The following BMPR1B variants were observed in gnomAD, a reference collection of about 807,000 sequenced individuals.
BMPR1B encodes bone morphogenetic protein receptor type-1B.
In BMPR1B, 12 loss-of-function variants were observed where a neutral mutation model predicts 59.1. The observed-to-expected ratio is 0.20, with a 90% CI of 0.13 to 0.33. The LOEUF (loss-of-function observed/expected upper bound fraction) is 0.33, where lower values mean the gene tolerates loss of function less well. Ranked by LOEUF, BMPR1B falls within the 10% of genes least tolerant of loss-of-function variation. The pLI is 1.00. For missense variants in BMPR1B, 550 were observed against 610.9 expected, an observed-to-expected ratio of 0.90 and a Z score of 1.05; for synonymous variants, 237 against 207.3, an observed-to-expected ratio of 1.14 and a Z score of -1.23.
At chr4:95,110,177 A>G (rs1336342292) in intron 4 of BMPR1B, among the ~76,000 whole-genome samples, 1 of 151,900 alleles carries the variant, frequency 6.6e-6, no homozygotes, top group Non-Finnish European at 1.5e-5. Flanking sequence ...GGCTTGCTAT[A>G]TGGAATGGAT....
intron 3 of BMPR1B, among the ~76,000 whole-genome samples, chr4:95,078,108 A>C (rs967271286): frequency 2.0e-5 from 3 of 152,204 alleles, no homozygotes; most frequent in African/African-American, 7.2e-5. Context: ...AACCATGACT[A>C]TGGAATTTCC....
intron 3 of BMPR1B, among the ~76,000 whole-genome samples, chr4:95,047,454 G>T (rs1272950724): frequency 6.6e-6 from 1 of 152,168 alleles, no homozygotes; most frequent in East Asian, 1.9e-4. Context: ...ATAGACTGGG[G>T]TGTTGAGGAG....
At chr4:94,938,751 A>G (rs1437805566) in intron 2 of BMPR1B, among the ~76,000 whole-genome samples, 1 of 152,188 alleles carries the variant, frequency 6.6e-6, no homozygotes, top group Non-Finnish European at 1.5e-5. Context: ...ACAACCCTAT[A>G]TGGAAGAGAA....
Position 95,157,633 on chromosome 4 carries a change from T to G in BMPR1B, c.*2960T>G, listed in dbSNP as rs1735512935. The stretch of plus-strand genomic sequence containing the variant: ...GTATGTGTGTATATATATAAATATA[T>G]ATGTATATATAAATATTATGTTCAG... On this transcript the variant is annotated 3_prime_UTR_variant, in exon 13 of 13. Transcript: ENST00000515059. 1 of 151,184 alleles carries G rather than the reference T, an allele frequency of 6.6e-6. No individual in the cohort carries two copies. Among genetic ancestry groups the G allele is most frequent in the Non-Finnish European group, 1.5e-5 (1 of 67,804 alleles). 9.4% of individuals were successfully genotyped at this position (151,184 alleles called of 1,614,324 possible).
At chr4:94,866,904 T>C (rs1726269456) in intron 1 of BMPR1B, among the ~76,000 whole-genome samples, 1 of 152,166 alleles carries the variant, frequency 6.6e-6, no homozygotes, top group African/African-American at 2.4e-5. Flanking sequence ...TATTTCACTA[T>C]AGTCTGTAGC....
At chr4:94,902,243 CACACACAGAGAG>C (rs1481762529) in intron 2 of BMPR1B, among the ~76,000 whole-genome samples, 35 of 97,392 alleles carry the variant, frequency 3.6e-4, no homozygotes, top group East Asian at 1.7e-3. Context: ...CACACACACA[CACACACAGAGAG>C]AGAGAGAGAG....
chr4:95,034,970 AT>A, intron 3 of BMPR1B, among the ~76,000 whole-genome samples: 1 of 151,766 alleles, frequency 6.6e-6, no homozygotes, highest in South Asian at 2.1e-4. Context: ...AATCATGATC[AT>A]TTTTGCAGGA....
At chr4:95,129,771 A>G (rs751140382) in intron 8 of BMPR1B, 91 bp from the exon 9 acceptor site, 34 of 1,236,366 alleles carry the variant, frequency 2.7e-5, no homozygotes, top group Non-Finnish European at 3.8e-5. Flanking sequence ...TATATTTTAC[A>G]TGCAGTAATC....
chr4:94,903,225 T>C (rs1157163029), intron 2 of BMPR1B, among the ~76,000 whole-genome samples: 1 of 152,054 alleles, frequency 6.6e-6, no homozygotes, highest in African/African-American at 2.4e-5. Flanking sequence ...GTTTGTCAGC[T>C]ACCTTTGTTT....
At chr4:94,840,222 A>G (rs1725001411) in intron 1 of BMPR1B, among the ~76,000 whole-genome samples, 2 of 147,634 alleles carry the variant, frequency 1.4e-5, no homozygotes, top group Non-Finnish European at 3.0e-5. Flanking sequence ...ACTTTGGTGA[A>G]TCTGACAATT....
intron 2 of BMPR1B, among the ~76,000 whole-genome samples, chr4:94,924,678 A>T (rs181911338): frequency 6.6e-6 from 1 of 152,212 alleles, no homozygotes; most frequent in Non-Finnish European, 1.5e-5. Context: ...ACTTCACATC[A>T]TGTGTGCAAC....
intron 2 of BMPR1B, among the ~76,000 whole-genome samples, chr4:94,976,077 T>C (rs1731021790): frequency 2.0e-5 from 3 of 152,216 alleles, no homozygotes; most frequent in Admixed American, 2.0e-4. Flanking sequence ...AGAGTTGGAA[T>C]AGCAAGTGGC....
chr4:94,775,411 G>A (rs926886360), intron 1 of BMPR1B, among the ~76,000 whole-genome samples: 3 of 152,266 alleles, frequency 2.0e-5, no homozygotes, highest in African/African-American at 7.2e-5. Context: ...CAAAATGTTC[G>A]TATTGAAATA....
intron 1 of BMPR1B, among the ~76,000 whole-genome samples, chr4:94,766,578 T>C (rs1330301785): frequency 6.6e-6 from 1 of 152,000 alleles, no homozygotes; most frequent in Non-Finnish European, 1.5e-5. Context: ...AAGTTACTTA[T>C]TGTTATTTTT....
chr4:94,954,093 CTA>C (rs1454679922), intron 2 of BMPR1B, among the ~76,000 whole-genome samples: 13 of 151,970 alleles, frequency 8.6e-5, no homozygotes, highest in African/African-American at 3.1e-4. Flanking sequence ...AGTTCTTGTG[CTA>C]TGTTTTTCAG....
intron 1 of BMPR1B, among the ~76,000 whole-genome samples, chr4:94,856,973 T>C (rs1352808492): frequency 6.6e-6 from 1 of 152,162 alleles, no homozygotes; most frequent in African/African-American, 2.4e-5. Context: ...TTTGGGAAGA[T>C]TGCAAGGAAC....
At chr4:94,804,425 T>C (rs1723531472) in intron 1 of BMPR1B, among the ~76,000 whole-genome samples, 1 of 152,066 alleles carries the variant, frequency 6.6e-6, no homozygotes, top group Non-Finnish European at 1.5e-5. Flanking sequence ...GTGAAGCTTG[T>C]AAAAAAATTG....
intron 1 of BMPR1B, among the ~76,000 whole-genome samples, chr4:94,793,844 T>C (rs1176656296): frequency 4.0e-5 from 6 of 151,580 alleles, no homozygotes; most frequent in Non-Finnish European, 7.4e-5. Context: ...TCATGTCCTT[T>C]GCCCACTTTT....
chr4:95,079,542 G>A (rs72671298), intron 3 of BMPR1B, among the ~76,000 whole-genome samples: 4,164 of 152,228 alleles, frequency 0.027, 94 homozygotes, highest in Middle Eastern at 0.061. Flanking sequence ...TCTCCTTAGT[G>A]TATCTTATCT....
Sources: allele counts gnomAD v4.1 joint callset (sites outside exome capture counted in the v4.1 genomes callset), GRCh38; gene constraint gnomAD v4.1.1; transcripts MANE v1.5; gene names NCBI Gene and HGNC (gene_info 2026-07-23, HGNC 2026-07-21).